AGBL1: variants seen among roughly 807,000 people sequenced by gnomAD.
AGBL1 encodes the protein AGBL carboxypeptidase 1.
Under a neutral mutation model 118.9 loss-of-function variants are expected in AGBL1, and 130 were observed. That is an observed-to-expected ratio of 1.09 (90% CI 0.95 to 1.26). The LOEUF is 1.26. Among genes scored for constraint, AGBL1 ranks in the 50% most tolerant of loss-of-function variants. AGBL1 has a pLI of 0.00. For missense variants in AGBL1, 1,584 were observed against 1,298.1 expected, an observed-to-expected ratio of 1.22 and a Z score of -3.38; for synonymous variants, 555 against 478.9, an observed-to-expected ratio of 1.16 and a Z score of -2.08.
At chr15:87,023,742 G>A (rs918790247) in intron 24 of AGBL1, among the ~76,000 whole-genome samples, 2 of 151,784 alleles carry the variant, frequency 1.3e-5, no homozygotes, top group Non-Finnish European at 2.9e-5. Flanking sequence ...ACCACAAAAT[G>A]AGCTTCAATA....
At chr15:86,431,518 C>T (rs948355237) in intron 18 of AGBL1, among the ~76,000 whole-genome samples, 1 of 152,208 alleles carries the variant, frequency 6.6e-6, no homozygotes, top group Non-Finnish European at 1.5e-5. Flanking sequence ...TCCACAGTGT[C>T]TGCTTCTGTC....
chr15:86,364,231 A>C (rs1367044436), intron 17 of AGBL1, among the ~76,000 whole-genome samples: 3 of 152,212 alleles, frequency 2.0e-5, no homozygotes, highest in Non-Finnish European at 4.4e-5. Context: ...CCAGCTCTCC[A>C]CATACTTTAA....
chr15:86,996,327 GC>G (rs559225099), intron 24 of AGBL1, among the ~76,000 whole-genome samples: 3 of 152,190 alleles, frequency 2.0e-5, no homozygotes, highest in South Asian at 4.2e-4. Flanking sequence ...CAGATACTAA[GC>G]CCCCCTCCCA....
At chr15:86,544,584 G>T (rs1291939770) in intron 19 of AGBL1, among the ~76,000 whole-genome samples, 1 of 152,186 alleles carries the variant, frequency 6.6e-6, no homozygotes, top group East Asian at 1.9e-4. Context: ...TTACATGGCA[G>T]CAGGCAAGAG....
Position 86,219,372 on chromosome 15 carries a change from G to A in AGBL1, c.489-5542G>A, listed in dbSNP as rs764929703. On this transcript the variant is annotated intron_variant, in intron 5 of 22. Transcript: ENST00000614907. ...AACCTAATAATATTACATTTCAGGG[G>A]CTCTAGTAAGCTTTTTAACGTAATT... 6.6e-5 allele frequency among the ~76,000 whole-genome samples: 10 copies of A among 152,080 alleles called. 1 individual carries two copies. Among genetic ancestry groups the A allele is most frequent in the Non-Finnish European group, 1.2e-4 (8 of 68,014 alleles).
chr15:86,442,684 A>G (rs1315819290), intron 18 of AGBL1, among the ~76,000 whole-genome samples: 1 of 152,182 alleles, frequency 6.6e-6, no homozygotes, highest in East Asian at 1.9e-4. Context: ...AGTGCTGGAG[A>G]GAGAAGTAAA....
chr15:86,570,579 G>T lies in AGBL1; in HGVS notation c.2994+16042G>T, dbSNP rs543923815. 3.3e-5 allele frequency among the ~76,000 whole-genome samples: 5 copies of T among 152,308 alleles called. No homozygotes were observed. In the East Asian group the frequency reaches 9.6e-4, roughly 29 times the overall value. On this transcript the variant is annotated intron_variant, in intron 21 of 22. Coordinates refer to ENST00000614907, the MANE Select transcript of AGBL1 (RefSeq NM_001386094.1). ...CCCCGAACTGTCATGGTGTCCATGA[G>T]TGTTAATATGTTAATGAGCATATAA...
rs138409871 is a variant in AGBL1 at position 86,350,019 on chromosome 15, C to T, written c.2375-47347C>T. ...CTAAGCAAAACTTTTAATTTTTGAC[C>T]ATGCAAAAAGTGGAAGAAGCATCTT... On this transcript the variant is annotated intron_variant, in intron 17 of 22. Coordinates refer to ENST00000614907, the MANE Select transcript of AGBL1 (RefSeq NM_001386094.1). 1.4e-4 allele frequency among the ~76,000 whole-genome samples: 21 copies of T among 152,180 alleles called. 1 individual carries two copies. Among genetic ancestry groups the T allele is most frequent in the African/African-American group, 4.8e-4 (20 of 41,514 alleles).
chr15:86,842,967 C>G (rs999558101), intron 22 of AGBL1, among the ~76,000 whole-genome samples: 4 of 152,112 alleles, frequency 2.6e-5, no homozygotes, highest in African/African-American at 9.7e-5. Context: ...ACTCCTCCAG[C>G]CTATGTAATT....
intron 22 of AGBL1, among the ~76,000 whole-genome samples, chr15:86,870,936 T>A (rs986834011): frequency 4.7e-4 from 71 of 152,206 alleles, no homozygotes; most frequent in Admixed American, 3.9e-3. Context: ...AAGTACAGAT[T>A]CCTTAGTCGA....
At chr15:86,180,942 G>A (rs1253570457) in intron 5 of AGBL1, among the ~76,000 whole-genome samples, 1 of 152,008 alleles carries the variant, frequency 6.6e-6, no homozygotes. Flanking sequence ...ATTAATTAGG[G>A]AAATTCATAT....
chr15:86,139,068 G>A (rs2076926858), intron 1 of AGBL1, among the ~76,000 whole-genome samples: 1 of 152,184 alleles, frequency 6.6e-6, no homozygotes, highest in South Asian at 2.1e-4. Flanking sequence ...TATCACAGTT[G>A]CTGGAGGATG....
chr15:86,944,851 T>C (rs1567252427), intron 23 of AGBL1, among the ~76,000 whole-genome samples: 1 of 152,178 alleles, frequency 6.6e-6, no homozygotes, highest in Admixed American at 6.5e-5. Flanking sequence ...GACAATACAA[T>C]TTATTGACCG....
At chr15:86,452,922 C>T (rs1454281855) in intron 18 of AGBL1, among the ~76,000 whole-genome samples, 1 of 152,174 alleles carries the variant, frequency 6.6e-6, no homozygotes, top group Non-Finnish European at 1.5e-5. Flanking sequence ...ACCCGGTCTG[C>T]TCTGCTCAAT....
intron 22 of AGBL1, among the ~76,000 whole-genome samples, chr15:86,893,168 C>G (rs2080075178): frequency 6.6e-6 from 1 of 152,084 alleles, no homozygotes; most frequent in Non-Finnish European, 1.5e-5. Flanking sequence ...TTCGGTGGAG[C>G]TCAGCTTTTT....
intron 22 of AGBL1, among the ~76,000 whole-genome samples, chr15:86,721,487 A>G (rs1410198178): frequency 1.3e-5 from 2 of 152,236 alleles, no homozygotes. Context: ...TTAGGTATTG[A>G]TGGAATATAT....
At chr15:86,785,371 TTTTTTTTG>T (rs1334509802) in intron 22 of AGBL1, among the ~76,000 whole-genome samples, 1 of 143,880 alleles carries the variant, frequency 7.0e-6, no homozygotes, top group Non-Finnish European at 1.5e-5. Flanking sequence ...TTTTTTTTTT[TTTTTTTTG>T]TTTTTGTTTT....
At chr15:86,990,229 T>C (rs1038571806) in intron 24 of AGBL1, among the ~76,000 whole-genome samples, 6 of 152,200 alleles carry the variant, frequency 3.9e-5, no homozygotes, top group Middle Eastern at 3.4e-3. Context: ...TAAGAAAGGT[T>C]TGGGGCCGGA....
chr15:86,249,236 G>A (rs1213288668), intron 7 of AGBL1, among the ~76,000 whole-genome samples: 2 of 152,000 alleles, frequency 1.3e-5, no homozygotes, highest in South Asian at 2.1e-4. Flanking sequence ...ATTATCTCTG[G>A]ATTAGGCCAC....
Sources: gnomAD v4.1 joint callset for allele counts (sites outside exome capture counted in the v4.1 genomes callset) on GRCh38, gnomAD v4.1.1 for gene constraint, MANE v1.5 for transcripts, NCBI Gene and HGNC (gene_info 2026-07-23, HGNC 2026-07-21) for gene names.